CCDC7: variants seen among roughly 807,000 people sequenced by gnomAD.
CCDC7 encodes the protein coiled-coil domain containing 7.
CCDC7 carries 183 observed loss-of-function variants against 196.9 expected under a neutral mutation model. The observed-to-expected ratio is 0.93, with a 90% CI of 0.82 to 1.05. CCDC7 has a LOEUF of 1.05. Among genes scored for constraint, CCDC7 ranks in the 50% least tolerant of loss-of-function variants. CCDC7 has a pLI of 0.00. For synonymous variants in CCDC7, 525 were observed against 484.6 expected (o/e 1.08, Z -1.10); for missense variants, 1,540 against 1,482.2 (o/e 1.04, Z -0.64).
chr10:32,729,370 G>A, exon 28 of CCDC7: 1 of 1,555,990 alleles, frequency 6.4e-7, no homozygotes, highest in Non-Finnish European at 8.7e-7. Flanking sequence ...TATATCACTT[G>A]AACATCTGTT....
intron 32 of CCDC7, among the ~76,000 whole-genome samples, chr10:32,832,442 G>T (rs2092278365): frequency 6.6e-6 from 1 of 152,006 alleles, no homozygotes; most frequent in Non-Finnish European, 1.5e-5. Context: ...GGTGGAGTTT[G>T]CAGTGAGCCA....
exon 12 of CCDC7, chr10:32,543,359 C>A: frequency 7.0e-7 from 1 of 1,434,386 alleles, no homozygotes; most frequent in South Asian, 1.5e-5. Flanking sequence ...AGAAAAAAGA[C>A]AAAGGAAAAT....
intron 29 of CCDC7, among the ~76,000 whole-genome samples, chr10:32,792,888 A>T (rs922631902): frequency 1.3e-5 from 2 of 152,236 alleles, no homozygotes; most frequent in Non-Finnish European, 2.9e-5. Context: ...ACTACAAAAA[A>T]TATTAAATCA....
At chr10:32,577,216 G>C (rs1009771309) in intron 16 of CCDC7, among the ~76,000 whole-genome samples, 1 of 151,994 alleles carries the variant, frequency 6.6e-6, no homozygotes. Flanking sequence ...ACAAAAATTA[G>C]CTGGGCATGG....
intron 21 of CCDC7, among the ~76,000 whole-genome samples, chr10:32,664,427 A>G (rs562942247): frequency 1.1e-3 from 167 of 152,192 alleles, no homozygotes; most frequent in Non-Finnish European, 1.8e-3. Flanking sequence ...GTACTCATGA[A>G]GTGCAGTAGA....
intron 3 of CCDC7, among the ~76,000 whole-genome samples, chr10:32,459,754 G>A (rs1218079213): frequency 7.2e-6 from 1 of 138,738 alleles, no homozygotes; most frequent in East Asian, 2.2e-4. Context: ...TATATGTATA[G>A]CATTTCAGTA....
chr10:32,560,024 T>C (rs551799104), intron 13 of CCDC7, among the ~76,000 whole-genome samples: 1 of 152,260 alleles, frequency 6.6e-6, no homozygotes, highest in African/African-American at 2.4e-5. Context: ...ACGTGAAGAA[T>C]GCAGAAGCCT....
rs1327203983 is a variant in CCDC7 at position 32,845,533 on chromosome 10, A to G, written c.3437-10A>G. ...TACAAAATATACTGAAATCTGTTTT[A>G]TTTCTATAGAGACTGATAAGAACTT... On this transcript the variant is annotated splice_polypyrimidine_tract_variant and intron_variant, in intron 34 of 41. Coordinates refer to ENST00000639629, the Ensembl canonical transcript of CCDC7. The G allele has an allele frequency of 1.3e-6, 2 of 1,592,332 alleles. No homozygotes were observed. Among genetic ancestry groups the G allele is most frequent in the Non-Finnish European group, 1.7e-6 (2 of 1,164,556 alleles).
At chr10:32,582,078 A>T (rs1458039669) in intron 16 of CCDC7, among the ~76,000 whole-genome samples, 1 of 132,448 alleles carries the variant, frequency 7.6e-6, no homozygotes, top group Admixed American at 7.8e-5. Context: ...GTTTGTCATA[A>T]ATTCTATGTT....
intron 9 of CCDC7, among the ~76,000 whole-genome samples, chr10:32,506,191 C>T (rs1466610187): frequency 7.0e-6 from 1 of 142,664 alleles, no homozygotes; most frequent in African/African-American, 2.7e-5. Flanking sequence ...GGCAGCCAGG[C>T]AGAGGCACTC....
intron 23 of CCDC7, among the ~76,000 whole-genome samples, chr10:32,694,511 C>T (rs572578207): frequency 6.6e-6 from 1 of 152,250 alleles, no homozygotes; most frequent in Non-Finnish European, 1.5e-5. Flanking sequence ...CAACCAGTCT[C>T]CTCTGCTTGA....
At position 32,772,177 on chromosome 10, in the gene CCDC7, G is replaced by A. The variant is rs971958831; in HGVS notation, c.2906-6800G>A. On this transcript the variant is annotated intron_variant, in intron 28 of 41. Coordinates refer to ENST00000639629, the Ensembl canonical transcript of CCDC7. ...CCTGTGGGTGTTGGGGAATGGGAGT[G>A]GTCTCAGACCACTGGGTTGATGTTC... 2.4e-4 allele frequency among the ~76,000 whole-genome samples: 37 copies of A among 152,284 alleles called. No homozygotes were observed. In the East Asian group the frequency reaches 3.3e-3, roughly 14 times the overall value.
chr10:32,446,281 G>A (rs2030952031), exon 1 of CCDC7: 1 of 152,272 alleles, frequency 6.6e-6, no homozygotes, highest in African/African-American at 2.4e-5. Flanking sequence ...TCAGGCTTCC[G>A]TCTCGAAGGA....
chr10:32,871,781 A>G (rs1381109317), intron 41 of CCDC7, among the ~76,000 whole-genome samples: 5 of 152,106 alleles, frequency 3.3e-5, no homozygotes, highest in Admixed American at 3.3e-4. Flanking sequence ...AATATGTCCC[A>G]GAGATTCTGG....
intron 11 of CCDC7, among the ~76,000 whole-genome samples, chr10:32,539,974 T>C (rs2051138213): frequency 6.6e-6 from 1 of 152,202 alleles, no homozygotes; most frequent in Non-Finnish European, 1.5e-5. Context: ...ATGAGAAGAA[T>C]GTATATTCTG....
intron 28 of CCDC7, among the ~76,000 whole-genome samples, chr10:32,777,343 T>C (rs2080234618): frequency 6.6e-6 from 1 of 152,234 alleles, no homozygotes; most frequent in Non-Finnish European, 1.5e-5. Flanking sequence ...GGTGAACGTA[T>C]GGATGCATGT....
intron 16 of CCDC7, among the ~76,000 whole-genome samples, chr10:32,578,507 G>A (rs754917290): frequency 9.9e-5 from 15 of 151,480 alleles, no homozygotes; most frequent in Non-Finnish European, 1.9e-4. Context: ...TGGGGGTGAT[G>A]GGAGACAGTG....
chr10:32,731,600 T>G (rs2083976196), intron 28 of CCDC7, among the ~76,000 whole-genome samples: 2 of 152,232 alleles, frequency 1.3e-5, no homozygotes, highest in South Asian at 4.1e-4. Context: ...AATTTCAACT[T>G]TCTAAGTGTA....
At chr10:32,543,654 A>T (rs1358370327) in intron 12 of CCDC7, among the ~76,000 whole-genome samples, 1 of 152,106 alleles carries the variant, frequency 6.6e-6, no homozygotes, top group Non-Finnish European at 1.5e-5. Context: ...CTTTAATTTT[A>T]GGAAAAAAGC....
Sources: gnomAD v4.1 joint callset for allele counts (sites outside exome capture counted in the v4.1 genomes callset) on GRCh38, gnomAD v4.1.1 for gene constraint, MANE v1.5 for transcripts, NCBI Gene and HGNC (gene_info 2026-07-23, HGNC 2026-07-21) for gene names.